The following WDR27 variants were observed in gnomAD, a reference collection of about 807,000 sequenced individuals.
WDR27 encodes the protein WD repeat-containing protein 27.
A neutral mutation model predicts 114.4 loss-of-function variants in WDR27; 100 were observed. The observed-to-expected ratio is 0.87, with a 90% CI of 0.74 to 1.03. The LOEUF is 1.03. WDR27 is among the 50% of genes least tolerant of loss of function. WDR27 has a pLI of 0.00. For missense variants in WDR27, 1,129 were observed against 1,092.9 expected, an observed-to-expected ratio of 1.03 and a Z score of -0.47; for synonymous variants, 449 against 423.1, an observed-to-expected ratio of 1.06 and a Z score of -0.75.
chr6:169,662,430 G>A lies in WDR27; in HGVS notation c.905-6C>T, dbSNP rs373647150. ...AGAGGGAAGCTGGCTTTCTTCTAGG[G>A]ACAGAATTATTGAGAATCTAAGAAG... On this transcript the variant is annotated splice_polypyrimidine_tract_variant and splice_region_variant and intron_variant, in intron 8 of 25. Coordinates refer to ENST00000448612, the MANE Select transcript of WDR27 (RefSeq NM_182552.5). The A allele has an allele frequency of 1.1e-4, 180 of 1,613,734 alleles. 1 individual carries two copies. In the African/African-American group the frequency reaches 1.7e-3, roughly 15 times the overall value.
intron 21 of WDR27, among the ~76,000 whole-genome samples, chr6:169,623,776 G>T (rs551490493): frequency 3.9e-5 from 6 of 152,168 alleles, no homozygotes; most frequent in Non-Finnish European, 7.3e-5. Context: ...TGACACACAC[G>T]TGAGGCCCCA....
chr6:169,608,586 T>G (rs182048545), intron 22 of WDR27, among the ~76,000 whole-genome samples: 2 of 152,254 alleles, frequency 1.3e-5, no homozygotes, highest in African/African-American at 4.8e-5. Flanking sequence ...AAGAACAGTA[T>G]GGGGGAAACT....
the WDR27 span, among the ~76,000 whole-genome samples, chr6:169,430,492 C>G: frequency 1.3e-5 from 2 of 152,298 alleles, no homozygotes; most frequent in South Asian, 4.1e-4. Flanking sequence ...TGTTTTGTCC[C>G]TCCTACATCT....
At chr6:169,565,138 A>C (rs1800263725) in intron 25 of WDR27, among the ~76,000 whole-genome samples, 1 of 152,168 alleles carries the variant, frequency 6.6e-6, no homozygotes, top group Non-Finnish European at 1.5e-5. Flanking sequence ...ATGTGTTCTG[A>C]CCAGCACGGG....
At chr6:169,608,528 A>T (rs941890501) in intron 22 of WDR27, among the ~76,000 whole-genome samples, 2 of 152,192 alleles carry the variant, frequency 1.3e-5, no homozygotes, top group African/African-American at 4.8e-5. Context: ...AATGAGGAAG[A>T]AACCTCTGAT....
At chr6:169,664,785 A>T (rs756505984) in intron 7 of WDR27, 10 of 995,070 alleles carry the variant, frequency 1.0e-5, no homozygotes, top group Non-Finnish European at 1.2e-5. Flanking sequence ...AAATGTTTTG[A>T]AAAAGGCCAA....
At chr6:169,481,112 T>C (rs1417312481) in intron 25 of WDR27, among the ~76,000 whole-genome samples, 1 of 151,422 alleles carries the variant, frequency 6.6e-6, no homozygotes, top group Non-Finnish European at 1.5e-5. Context: ...GGATTGTAAA[T>C]GTACCAATCA....
intron 23 of WDR27, among the ~76,000 whole-genome samples, chr6:169,593,780 C>T (rs575943146): frequency 3.3e-5 from 5 of 152,132 alleles, no homozygotes; most frequent in South Asian, 2.1e-4. Flanking sequence ...ACCCGGGAGG[C>T]GGAGGTTACA....
At chr6:169,433,804 C>T in the WDR27 span, among the ~76,000 whole-genome samples, 1 of 152,190 alleles carries the variant, frequency 6.6e-6, no homozygotes, top group African/African-American at 2.4e-5. Context: ...GAGATGGTAT[C>T]TCATTGTGGT....
intron 23 of WDR27, among the ~76,000 whole-genome samples, chr6:169,601,635 G>A (rs56355509): frequency 6.6e-6 from 1 of 152,206 alleles, no homozygotes; most frequent in African/African-American, 2.4e-5. Context: ...GGCCACCCAT[G>A]AGTATTCTTG....
intron 25 of WDR27, among the ~76,000 whole-genome samples, chr6:169,469,375 G>T (rs1452826198): frequency 6.6e-6 from 1 of 152,206 alleles, no homozygotes; most frequent in East Asian, 1.9e-4. Flanking sequence ...GGGGTGACAG[G>T]TCCCAAGGAA....
chr6:169,440,860 TACA>T, the WDR27 span, among the ~76,000 whole-genome samples: 2 of 152,238 alleles, frequency 1.3e-5, no homozygotes, highest in Non-Finnish European at 2.9e-5. Context: ...AGTCCATGGC[TACA>T]ACAAGTCTTC....
chr6:169,533,625 AC>A (rs1437109596), intron 25 of WDR27, among the ~76,000 whole-genome samples: 1 of 152,190 alleles, frequency 6.6e-6, no homozygotes, highest in African/African-American at 2.4e-5. Context: ...CACATTGGGC[AC>A]CACCAGCAAT....
chr6:169,521,744 T>C (rs1213933928), intron 25 of WDR27, among the ~76,000 whole-genome samples: 2 of 152,058 alleles, frequency 1.3e-5, no homozygotes, highest in Non-Finnish European at 2.9e-5. Flanking sequence ...AAATAACTTA[T>C]TATATCTATG....
intron 25 of WDR27, chr6:169,559,531 A>C (rs1799374067): frequency 6.6e-6 from 1 of 152,214 alleles, no homozygotes; most frequent in Non-Finnish European, 1.5e-5. Context: ...ACATTAGTAG[A>C]AATATAATAT....
At chr6:169,658,234 A>G in intron 13 of WDR27, 42 bp downstream of exon 13, 1 of 1,501,916 alleles carries the variant, frequency 6.7e-7, no homozygotes, top group Non-Finnish European at 9.1e-7. Flanking sequence ...ATGAGAACGC[A>G]TCAGCCTTGT....
At chr6:169,657,987 C>A in intron 13 of WDR27, 1 of 277,172 alleles carries the variant, frequency 3.6e-6, no homozygotes, top group Non-Finnish European at 7.1e-6. Flanking sequence ...GCTGAAGGTC[C>A]ACTCTGCACC....
At chr6:169,539,596 A>G (rs1796600744) in intron 25 of WDR27, among the ~76,000 whole-genome samples, 1 of 152,142 alleles carries the variant, frequency 6.6e-6, no homozygotes, top group Non-Finnish European at 1.5e-5. Flanking sequence ...ACCCCAAATC[A>G]ACAGTCTTTC....
At chr6:169,473,445 T>G (rs1293116330) in intron 25 of WDR27, among the ~76,000 whole-genome samples, 3 of 151,604 alleles carry the variant, frequency 2.0e-5, no homozygotes, top group Admixed American at 2.0e-4. Flanking sequence ...TAAAGACACA[T>G]AGGGATGTTA....
Sources: gnomAD v4.1 joint callset for allele counts (sites outside exome capture counted in the v4.1 genomes callset) on GRCh38, gnomAD v4.1.1 for gene constraint, MANE v1.5 for transcripts, NCBI Gene and HGNC (gene_info 2026-07-23, HGNC 2026-07-21) for gene names.